The following DACH1 variants were observed in gnomAD, a reference collection of about 807,000 sequenced individuals.
DACH1 encodes dachshund homolog 1.
DACH1 carries 12 observed loss-of-function variants against 54.2 expected under a neutral mutation model. The observed-to-expected ratio is 0.22, with a 90% CI of 0.14 to 0.36. The LOEUF is 0.36. Ranked by LOEUF, DACH1 falls within the 10% of genes least tolerant of loss-of-function variation. DACH1 has a pLI of 1.00. For missense variants in DACH1, 805 were observed against 929.8 expected, an observed-to-expected ratio of 0.87 and a Z score of 1.75; for synonymous variants, 386 against 366.2, an observed-to-expected ratio of 1.05 and a Z score of -0.62.
At chr13:71,807,256 C>A (rs1441116578) in intron 1 of DACH1, among the ~76,000 whole-genome samples, 4 of 152,144 alleles carry the variant, frequency 2.6e-5, no homozygotes, top group South Asian at 4.1e-4. Context: ...TTATATCCAA[C>A]ACAAAAATAT....
intron 3 of DACH1, among the ~76,000 whole-genome samples, chr13:71,617,343 C>T (rs1453511724): frequency 6.6e-6 from 1 of 151,956 alleles, no homozygotes; most frequent in African/African-American, 2.4e-5. Context: ...TTTTTGTCAC[C>T]TTTATTTCTC....
At chr13:71,678,018 C>T (rs1286631928) in intron 2 of DACH1, among the ~76,000 whole-genome samples, 1 of 152,074 alleles carries the variant, frequency 6.6e-6, no homozygotes, top group Non-Finnish European at 1.5e-5. Context: ...GCCCCCTAGC[C>T]GATCAATAGG....
intron 7 of DACH1, 90 bp downstream of exon 7, chr13:71,488,907 G>T: frequency 8.0e-7 from 1 of 1,249,942 alleles, no homozygotes; most frequent in Non-Finnish European, 1.1e-6. Flanking sequence ...AGTCTAATGG[G>T]ATTAAGTAGG....
At chr13:71,754,961 C>T (rs917208799) in intron 1 of DACH1, among the ~76,000 whole-genome samples, 16 of 151,998 alleles carry the variant, frequency 1.1e-4, no homozygotes, top group African/African-American at 3.4e-4. Flanking sequence ...AGACCGGGGC[C>T]GGGGGGAAAT....
intron 1 of DACH1, among the ~76,000 whole-genome samples, chr13:71,717,640 G>T (rs1289654290): frequency 6.6e-6 from 1 of 151,156 alleles, no homozygotes. Flanking sequence ...AATTTAAATT[G>T]TCCATTTCGT....
intron 3 of DACH1, among the ~76,000 whole-genome samples, chr13:71,611,916 G>A (rs1164851324): frequency 1.3e-5 from 2 of 152,046 alleles, no homozygotes; most frequent in African/African-American, 4.8e-5. Context: ...CTGCCACAAA[G>A]GGTTTATAGT....
chr13:71,796,983 T>C (rs1161085895), intron 1 of DACH1, among the ~76,000 whole-genome samples: 1 of 142,732 alleles, frequency 7.0e-6, no homozygotes, highest in Non-Finnish European at 1.5e-5. Context: ...TTATATTTCT[T>C]TGTTTTGTTT....
In DACH1 at chr13:71,729,050, T is replaced by C. The variant is rs548088517; in HGVS notation, c.849-47140A>G. Among the ~76,000 whole-genome samples the C allele has an allele frequency of 2.6e-5, 4 of 152,078 alleles. No homozygotes were observed. In the South Asian group the frequency reaches 8.3e-4, roughly 32 times the overall value. On this transcript the variant is annotated intron_variant, in intron 1 of 10. Transcript: ENST00000613252. ...ATCCTACAAAAGAATTTACCCCAGA[T>C]TAATGAAGAAATCCCAAGTAAAAGA...
At chr13:71,565,827 A>C (rs1347533200) in intron 4 of DACH1, among the ~76,000 whole-genome samples, 1 of 152,142 alleles carries the variant, frequency 6.6e-6, no homozygotes, top group African/African-American at 2.4e-5. Context: ...GTGGTAGGGG[A>C]CTATATTTTT....
At chr13:71,784,726 T>C (rs1471932679) in intron 1 of DACH1, among the ~76,000 whole-genome samples, 1 of 152,176 alleles carries the variant, frequency 6.6e-6, no homozygotes, top group Non-Finnish European at 1.5e-5. Flanking sequence ...TATGAAGTAC[T>C]AGAAACAGAG....
Position 71,840,093 on chromosome 13 carries a change from C to T in DACH1, c.848+25829G>A, listed in dbSNP as rs182877775. 5.9e-5 allele frequency among the ~76,000 whole-genome samples: 9 copies of T among 152,042 alleles called. No individual in the cohort carries two copies. In the South Asian group the frequency reaches 8.3e-4, roughly 14 times the overall value. On this transcript the variant is annotated intron_variant, in intron 1 of 10. Transcript: ENST00000613252. ...TCCCAAGTAGCTGGAATTACAGGTGCGCACCACCACACCCAGCTAAGTTTT... is the reference window on the plus strand; with the variant it reads ...TCCCAAGTAGCTGGAATTACAGGTGTGCACCACCACACCCAGCTAAGTTTT...
intron 6 of DACH1, among the ~76,000 whole-genome samples, chr13:71,525,474 A>G (rs1420176928): frequency 6.6e-6 from 1 of 152,170 alleles, no homozygotes; most frequent in African/African-American, 2.4e-5. Context: ...TAAACAATAT[A>G]AATTATTTTC....
At chr13:71,574,706 A>G (rs1885426537) in intron 3 of DACH1, among the ~76,000 whole-genome samples, 1 of 152,032 alleles carries the variant, frequency 6.6e-6, no homozygotes, top group Non-Finnish European at 1.5e-5. Flanking sequence ...AAACAAAGCA[A>G]TTTTATTAAA....
chr13:71,791,245 C>T (rs919336026), intron 1 of DACH1, among the ~76,000 whole-genome samples: 4 of 152,106 alleles, frequency 2.6e-5, no homozygotes, highest in African/African-American at 4.8e-5. Flanking sequence ...AACCCATTTG[C>T]TCTTTCGGAC....
At chr13:71,803,986 C>T (rs1478043646) in intron 1 of DACH1, among the ~76,000 whole-genome samples, 1 of 152,092 alleles carries the variant, frequency 6.6e-6, no homozygotes, top group African/African-American at 2.4e-5. Flanking sequence ...TACAGGTGTA[C>T]AGGAGGAACA....
At chr13:71,642,857 T>A (rs927097060) in intron 2 of DACH1, among the ~76,000 whole-genome samples, 3 of 151,586 alleles carry the variant, frequency 2.0e-5, no homozygotes, top group African/African-American at 7.3e-5. Context: ...CCATCTCTAC[T>A]GAAAAAAATA....
Position 71,681,798 on chromosome 13 carries a change from T to A in DACH1, c.961A>T (p.Thr321Ser), listed in dbSNP as rs1880912028. Residue 321 changes from threonine to serine, a missense_variant, in exon 2 of 11, where the codon ACA (threonine) becomes TCA (serine). Physicochemically the swap from Thr to Ser is moderately conservative, Grantham distance 58 (BLOSUM62 1). Transcript: ENST00000613252. ...GLMSPGIIPP[T>S]GLTAAAAAAA... ...CATAAGTGAGTAGCAGTCTTACCTG[T>A]TGGTGGAATTATCCCAGGAGACATG... 6.2e-7 allele frequency: 1 copy of A among 1,612,520 alleles called. No homozygotes were observed. Among genetic ancestry groups the A allele is most frequent in the African/African-American group, 1.3e-5 (1 of 74,894 alleles).
Position 71,866,994 on chromosome 13 carries a change from G to A in DACH1, c.-225C>T. 2 of 176,766 alleles carry A rather than the reference G, an allele frequency of 1.1e-5. No homozygotes were observed. Among genetic ancestry groups the A allele is most frequent in the South Asian group, 2.2e-4 (1 of 4,456 alleles). 10.9% of individuals were successfully genotyped at this position (176,766 alleles called of 1,614,324 possible). The stretch of plus-strand genomic sequence containing the variant: ...CACGAGAGGCGCTCTGGAGAGGAAC[G>A]CACAAAAGTGTCCCGCAAGTCGAAA... On this transcript the variant is annotated 5_prime_UTR_variant, in exon 1 of 11. Transcript: ENST00000613252.
chr13:71,667,034 T>C (rs1879886379), intron 2 of DACH1, among the ~76,000 whole-genome samples: 1 of 152,016 alleles, frequency 6.6e-6, no homozygotes, highest in African/African-American at 2.4e-5. Flanking sequence ...AGATGTCAAA[T>C]TTTATGTACA....
Sources: allele counts gnomAD v4.1 joint callset (sites outside exome capture counted in the v4.1 genomes callset), GRCh38; gene constraint gnomAD v4.1.1; transcripts MANE v1.5; gene names NCBI Gene and HGNC (gene_info 2026-07-23, HGNC 2026-07-21).